Variants in SNED1 observed in about 807,000 individuals in gnomAD.
The protein encoded by SNED1 is sushi, nidogen and EGF-like domain-containing protein 1.
Under a neutral mutation model 166.7 loss-of-function variants are expected in SNED1, and 81 were observed. The ratio of observed to expected loss-of-function variants is 0.49; its 90% CI spans 0.41 to 0.58. SNED1 has a LOEUF of 0.58. Among genes scored for constraint, SNED1 ranks in the 20% least tolerant of loss-of-function variants. The probability of loss-of-function intolerance (pLI) is 0.00; values close to 1 mark genes in which losing one functional copy is unlikely to be tolerated. For missense variants in SNED1, 1,604 were observed against 2,000.2 expected (o/e 0.80, Z 3.78); for synonymous variants, 762 against 822.0 (o/e 0.93, Z 1.25).
At position 241,036,863 on chromosome 2, in the gene SNED1, C is replaced by T. The variant is rs372153845; in HGVS notation, c.879C>T (p.Pro293=). The T allele has an allele frequency of 4.3e-5, 69 of 1,611,832 alleles. No homozygotes were observed. In the African/African-American group the frequency reaches 8.5e-4, roughly 20 times the overall value. ...KCIDDCVTGN[P]SYTCSCLSGF... ...TCGACGACTGCGTCACGGGCAACCC[C>T]TCCTACACCTGCTCCTGCCTCTCGG... Residue 293 remains proline (P), a synonymous_variant, in exon 5 of 32, where the codon CCC becomes CCT. Coordinates refer to ENST00000310397, the MANE Select transcript of SNED1 (RefSeq NM_001080437.3).
chr2:241,012,146 G>A (rs557557783), intron 1 of SNED1, among the ~76,000 whole-genome samples: 1 of 152,310 alleles, frequency 6.6e-6, no homozygotes, highest in East Asian at 1.9e-4. Flanking sequence ...GGGGTGCGGC[G>A]AGGGGCAGAG....
intron 15 of SNED1, 79 bp downstream of exon 15, chr2:241,052,547 G>C: frequency 8.9e-7 from 1 of 1,128,696 alleles, no homozygotes; most frequent in Non-Finnish European, 1.3e-6. Flanking sequence ...CCCAAGCAGG[G>C]TACATGGGAT....
At chr2:241,044,912 G>A (rs1370162283) in intron 8 of SNED1, among the ~76,000 whole-genome samples, 1 of 152,190 alleles carries the variant, frequency 6.6e-6, no homozygotes, top group South Asian at 2.1e-4. Flanking sequence ...GAAAAAGGTA[G>A]CCCCAGAAAA....
At chr2:241,071,326 C>A (rs977533141) in intron 24 of SNED1, 1 of 579,788 alleles carries the variant, frequency 1.7e-6, no homozygotes, top group African/African-American at 1.9e-5. Flanking sequence ...TCATGACTCC[C>A]AGGCCAGTGC....
At chr2:241,033,686 C>A in intron 2 of SNED1, 49 bp from the exon 3 acceptor site, 1 of 1,574,476 alleles carries the variant, frequency 6.4e-7, no homozygotes, top group South Asian at 1.2e-5. Context: ...CAGGGCTTCC[C>A]TGGGCCAAGG....
At chr2:241,036,676 A>ACCCAGAGG in intron 4 of SNED1, 114 bp from the exon 5 acceptor site, 1 of 1,409,638 alleles carries the variant, frequency 7.1e-7, no homozygotes, top group South Asian at 1.3e-5. Context: ...TCACCCGGGC[A>ACCCAGAGG]CCCAGAGGCC....
Position 241,068,851 on chromosome 2 carries a change from G to A in SNED1, c.3195-60G>A. The A allele has an allele frequency of 3.3e-6, 4 of 1,209,144 alleles. No individual in the cohort carries two copies. Among genetic ancestry groups the A allele is most frequent in the Admixed American group, 2.4e-5 (1 of 42,210 alleles). The allele number at this position is 1,209,144 out of a possible 1,614,324, so 74.9% of individuals were successfully genotyped here. A position where few individuals can be genotyped will look rare whatever the true frequency, so the allele number is the denominator to read the frequency against. On this transcript the variant is annotated intron_variant, in intron 22 of 31. Coordinates refer to ENST00000310397, the MANE Select transcript of SNED1 (RefSeq NM_001080437.3). The surrounding 1 kb of genome is among the most constrained non-coding windows in gnomAD (Gnocchi z 5.3). ...TGCCTGGGGGAGCTGCGGTCTGGCAGCAGAGTCACACACAGGTCCCAGACA... is the reference window on the plus strand; with the variant it reads ...TGCCTGGGGGAGCTGCGGTCTGGCAACAGAGTCACACACAGGTCCCAGACA...
upstream of SNED1, among the ~76,000 whole-genome samples, chr2:240,998,376 G>C (rs1441707437): frequency 2.0e-5 from 3 of 152,212 alleles, no homozygotes; most frequent in Non-Finnish European, 2.9e-5. Flanking sequence ...GTCCCAGGAC[G>C]GCACTGAGGG....
At chr2:241,002,841 G>A (rs1207209806) in intron 1 of SNED1, among the ~76,000 whole-genome samples, 3 of 151,968 alleles carry the variant, frequency 2.0e-5, no homozygotes, top group Non-Finnish European at 4.4e-5. Context: ...CCATCTCCAT[G>A]AATAAACCCC....
At chr2:241,085,682 T>C (rs2063536924) in intron 29 of SNED1, among the ~76,000 whole-genome samples, 1 of 151,750 alleles carries the variant, frequency 6.6e-6, no homozygotes, top group South Asian at 2.1e-4. Context: ...GTAAGTTTTA[T>C]GTTACTGACG....
chr2:241,081,596 A>ATCG (rs75860962), intron 27 of SNED1, 81 bp from the exon 28 acceptor site: 113,198 of 1,022,374 alleles, frequency 0.11, 8,945 homozygotes, highest in African/African-American at 0.38. Context: ...TCAGGTCATC[A>ATCG]AGGAAGGGAC....
chr2:241,012,376 G>A (rs1014470885), intron 1 of SNED1, among the ~76,000 whole-genome samples: 1 of 152,246 alleles, frequency 6.6e-6, no homozygotes, highest in Non-Finnish European at 1.5e-5. Flanking sequence ...CTGCCAGGCC[G>A]AGAGCAGACG....
rs772691038 is a variant in SNED1, at chr2:241,049,904, G to A, written c.1706G>A (p.Arg569His). Residue 569 changes from arginine to histidine, a missense_variant, in exon 12 of 32, where the codon CGC becomes CAC. By Grantham distance (29) the Arg-to-His change is conservative (BLOSUM62 0). Transcript: ENST00000310397. ...HDDSYTCECP[R>H]GFHGKHCEKA... is the part of the protein sequence containing the mutation. ...GACTCCTACACCTGCGAGTGCCCGC[G>A]CGGGTTCCACGGCAAGCACTGCGAG... 3.1e-6 allele frequency: 5 copies of A among 1,613,614 alleles called. No individual in the cohort carries two copies. The highest frequency in any genetic ancestry group is 1.7e-5 in the Admixed American group (1 of 60,008).
At chr2:241,071,539 G>T in intron 24 of SNED1, 37 bp from the exon 25 acceptor site, 1 of 1,561,934 alleles carries the variant, frequency 6.4e-7, no homozygotes. Flanking sequence ...GCAGAGGGCA[G>T]CCCCAGACCA....
Position 241,074,882 on chromosome 2 carries a change from C to T in SNED1, c.3916+1518C>T, listed in dbSNP as rs116843673. 2.6e-5 allele frequency: 4 copies of T among 152,344 alleles called. No homozygotes were observed. In the East Asian group the frequency reaches 7.7e-4, roughly 29 times the overall value. 9.4% of individuals were successfully genotyped at this position (152,344 alleles called of 1,614,324 possible). A position where few individuals can be genotyped will look rare whatever the true frequency, so the allele number is the denominator to read the frequency against. ...CTCCCTGTTCTCTCCCCTCAGTTAA[C>T]CATGATCCTGAACTTTGTGCCTAGA... On this transcript the variant is annotated intron_variant, in intron 27 of 31. Transcript: ENST00000310397.
Position 241,013,915 on chromosome 2 carries a change from GTA to G in SNED1, c.213+14870_213+14871del, listed in dbSNP as rs1269206833. On this transcript the variant is annotated intron_variant, in intron 1 of 31. Coordinates refer to ENST00000310397, the MANE Select transcript of SNED1 (RefSeq NM_001080437.3). This position sits in a 1 kb window ranked among gnomAD's most constrained non-coding sequence, Gnocchi z 4.6. ...TGAGATACTGGTTTCATTTCATTGG[GTA>G]TATACTCAGAAGTGGGATTGCTAGG... Among the ~76,000 whole-genome samples, 1 of 152,076 alleles carries G rather than the reference GTA, an allele frequency of 6.6e-6. No individual in the cohort carries two copies. Among genetic ancestry groups the G allele is most frequent in the Non-Finnish European group, 1.5e-5 (1 of 68,034 alleles).
At position 241,034,645 on chromosome 2, in the gene SNED1, G is replaced by A. The variant is rs775784005; in HGVS notation, c.720G>A (p.Glu240=). 4 of 1,611,718 alleles carry A rather than the reference G, an allele frequency of 2.5e-6. No homozygotes were observed. In the Admixed American group the frequency reaches 6.7e-5, roughly 27 times the overall value. ...GSRTADMAEV[E]TTTNVGVPGR... ...GCACAGCAGACATGGCCGAGGTGGA[G>A]ACCACCACCAACGTGGGTGTGCCCG... is the stretch of plus-strand genomic sequence containing the variant. The change falls in exon 4 of 32, where the codon GAG becomes GAA. Residue 240 remains glutamate, a synonymous_variant. Coordinates refer to ENST00000310397, the MANE Select transcript of SNED1 (RefSeq NM_001080437.3).
In SNED1 at chr2:241,054,527, C is replaced by T. The variant is rs561120320; in HGVS notation, c.2257+1201C>T. Among the ~76,000 whole-genome samples, 4 of 152,262 alleles carry T rather than the reference C, an allele frequency of 2.6e-5. No individual in the cohort carries two copies. The South Asian group carries it at 8.3e-4, about 32-fold the overall frequency. Reference sequence around the variant, plus strand: ...AGGCTGCAGTGAGCCATGAGCCTGCCACTGTACTCCAGCCTGGGTAGCAGA... The same window carrying T: ...AGGCTGCAGTGAGCCATGAGCCTGCTACTGTACTCCAGCCTGGGTAGCAGA... On this transcript the variant is annotated intron_variant, in intron 16 of 31. Transcript: ENST00000310397.
rs534151020 is a variant in SNED1 at position 241,067,935 on chromosome 2, G to A, written c.3182G>A (p.Arg1061Lys). ...ACCGATGTGGACAGGAGTGTGGACA[G>A]GTTCACCTTTAGGTAAGAAGGGACA... Reference protein sequence around the residue: ...QATDVDRSVDRFTFRALLPGK... With the variant: ...QATDVDRSVDKFTFRALLPGK... The change falls in exon 22 of 32, where the codon AGG becomes AAG. Residue 1061 changes from arginine (R) to lysine (K), a missense_variant. Coordinates refer to ENST00000310397, the MANE Select transcript of SNED1 (RefSeq NM_001080437.3). The A allele has an allele frequency of 6.2e-6, 10 of 1,610,218 alleles. No homozygotes were observed. Among genetic ancestry groups the A allele is most frequent in the African/African-American group, 5.3e-5 (4 of 74,940 alleles).
Sources: allele counts gnomAD v4.1 joint callset (sites outside exome capture counted in the v4.1 genomes callset), GRCh38; gene constraint gnomAD v4.1.1; non-coding constraint Gnocchi (gnomAD v3.1); transcripts MANE v1.5; gene names NCBI Gene and HGNC (gene_info 2026-07-23, HGNC 2026-07-21).